FOXN3: variants seen among roughly 807,000 people sequenced by gnomAD.
The protein encoded by FOXN3 is forkhead box N3.
FOXN3 carries 7 observed loss-of-function variants against 38.4 expected under a neutral mutation model. The observed-to-expected ratio is 0.18, with a 90% CI of 0.10 to 0.34. The LOEUF is 0.34. Ranked by LOEUF, FOXN3 falls within the 10% of genes least tolerant of loss-of-function variation. The pLI, the probability that FOXN3 is intolerant of heterozygous loss-of-function variation, is 1.00. For missense variants in FOXN3, 456 were observed against 613.4 expected, an observed-to-expected ratio of 0.74 and a Z score of 2.71; for synonymous variants, 230 against 242.2, an observed-to-expected ratio of 0.95 and a Z score of 0.47.
At chr14:89,369,209 G>A (rs769134796) in intron 2 of FOXN3, among the ~76,000 whole-genome samples, 10 of 152,162 alleles carry the variant, frequency 6.6e-5, no homozygotes, top group African/African-American at 1.2e-4. Context: ...GATTATCTGT[G>A]GAGACTTTAT....
chr14:89,363,974 ATATATATATATAT>A lies in FOXN3; in HGVS notation c.544-13179_544-13167del, dbSNP rs1566968981. Among the ~76,000 whole-genome samples the A allele has an allele frequency of 1.3e-3, 88 of 69,144 alleles. 5 individuals are homozygous for A. The highest frequency in any genetic ancestry group is 3.8e-3 in the African/African-American group (69 of 18,276). 45.4% of individuals were successfully genotyped at this position (69,144 alleles called of 152,430 possible). A position where few individuals can be genotyped will look rare whatever the true frequency, so the allele number is the denominator to read the frequency against. ...TATATATATATATATATATATATAT[ATATATATATATAT>A]AATATATATATATATTCTTCCATAT... On this transcript the variant is annotated intron_variant, in intron 2 of 5. Coordinates refer to ENST00000557258, the MANE Select transcript of FOXN3 (RefSeq NM_005197.4).
At chr14:89,166,978 A>G (rs192246429) in intron 5 of FOXN3, among the ~76,000 whole-genome samples, 17 of 152,372 alleles carry the variant, frequency 1.1e-4, no homozygotes, top group Admixed American at 9.1e-4. Context: ...CTTAAAAATC[A>G]TTCATTAAAG....
chr14:89,374,829 T>A (rs1890425151), intron 2 of FOXN3, among the ~76,000 whole-genome samples: 1 of 151,458 alleles, frequency 6.6e-6, no homozygotes, highest in African/African-American at 2.4e-5. Flanking sequence ...AAAAAAAAAT[T>A]AGCCAGGTGT....
chr14:89,403,777 G>A (rs937858923), intron 2 of FOXN3, among the ~76,000 whole-genome samples: 15 of 152,286 alleles, frequency 9.8e-5, no homozygotes, highest in Non-Finnish European at 1.5e-4. Context: ...TAGGGCCCTC[G>A]GGCCCAGAAG....
intron 1 of FOXN3, among the ~76,000 whole-genome samples, chr14:89,496,196 A>G (rs1893679107): frequency 6.6e-6 from 1 of 152,160 alleles, no homozygotes; most frequent in African/African-American, 2.4e-5. Flanking sequence ...CTGGGCAACA[A>G]GAGCAAAACT....
intron 3 of FOXN3, among the ~76,000 whole-genome samples, chr14:89,330,277 C>T (rs1025303475): frequency 6.6e-6 from 1 of 152,180 alleles, no homozygotes; most frequent in Non-Finnish European, 1.5e-5. Flanking sequence ...ATAGAGCCAG[C>T]GGTAGACTCC....
At chr14:89,540,837 C>A (rs1427741337) in intron 1 of FOXN3, among the ~76,000 whole-genome samples, 2 of 151,824 alleles carry the variant, frequency 1.3e-5, no homozygotes, top group Non-Finnish European at 2.9e-5. Flanking sequence ...TAAGAAAAAT[C>A]TATATGGAAT....
intron 4 of FOXN3, among the ~76,000 whole-genome samples, chr14:89,223,718 G>A (rs1884543961): frequency 6.6e-6 from 1 of 152,238 alleles, no homozygotes; most frequent in African/African-American, 2.4e-5. Flanking sequence ...CGTTTCCAAA[G>A]ATCCCTGAGG....
intron 1 of FOXN3, among the ~76,000 whole-genome samples, chr14:89,505,327 C>G (rs2129556): frequency 0.39 from 58,678 of 149,452 alleles, 13,597 homozygotes; most frequent in Non-Finnish European, 0.52. Context: ...GATGCCGAGC[C>G]GAGGCTGGAC....
At chr14:89,567,783 C>T (rs1206959953) in intron 1 of FOXN3, among the ~76,000 whole-genome samples, 5 of 147,230 alleles carry the variant, frequency 3.4e-5, no homozygotes, top group African/African-American at 7.7e-5. Flanking sequence ...AGTGCAGTGG[C>T]GCGATCTCGG....
At chr14:89,404,604 G>A (rs1479680623) in intron 2 of FOXN3, among the ~76,000 whole-genome samples, 1 of 151,362 alleles carries the variant, frequency 6.6e-6, no homozygotes, top group Non-Finnish European at 1.5e-5. Flanking sequence ...CCTATTCCAG[G>A]GCCTGTGACA....
intron 5 of FOXN3, among the ~76,000 whole-genome samples, chr14:89,173,875 CAA>C (rs1453388662): frequency 6.6e-6 from 1 of 152,054 alleles, no homozygotes; most frequent in African/African-American, 2.4e-5. Flanking sequence ...CCTGTAGTCC[CAA>C]ACACTTGAGA....
At chr14:89,571,262 A>T (rs1168820211) in intron 1 of FOXN3, among the ~76,000 whole-genome samples, 1 of 152,174 alleles carries the variant, frequency 6.6e-6, no homozygotes, top group East Asian at 1.9e-4. Context: ...TAATCCCAGC[A>T]CTTTGGGAAG....
Position 89,549,215 on chromosome 14 carries a change from C to G in FOXN3, c.-15+69813G>C, listed in dbSNP as rs191975578. Reference sequence around the variant, plus strand: ...TCTTACTCATGTGTTGTTTGAAAGGCCTTTTGTTTTATGAAACTATAGTGA... The same window carrying G: ...TCTTACTCATGTGTTGTTTGAAAGGGCTTTTGTTTTATGAAACTATAGTGA... On this transcript the variant is annotated intron_variant, in intron 1 of 6. Transcript: ENST00000345097. Among the ~76,000 whole-genome samples, 615 of 150,646 alleles carry G rather than the reference C, an allele frequency of 4.1e-3. 5 individuals are homozygous for G. The highest frequency in any genetic ancestry group is 7.1e-3 in the Non-Finnish European group (479 of 67,814).
At chr14:89,291,927 C>T (rs1472866579) in intron 3 of FOXN3, among the ~76,000 whole-genome samples, 1 of 152,154 alleles carries the variant, frequency 6.6e-6, no homozygotes, top group African/African-American at 2.4e-5. Context: ...GCTGTGACAA[C>T]CAAAAATGTT....
intron 5 of FOXN3, among the ~76,000 whole-genome samples, chr14:89,172,242 GA>G (rs746900150): frequency 2.0e-5 from 3 of 152,134 alleles, no homozygotes; most frequent in Non-Finnish European, 4.4e-5. Flanking sequence ...CTCATGGACT[GA>G]AAGATGCAAA....
chr14:89,401,875 G>T (rs941555448), intron 2 of FOXN3, among the ~76,000 whole-genome samples: 9 of 152,134 alleles, frequency 5.9e-5, no homozygotes, highest in African/African-American at 2.2e-4. Context: ...ACCCTGTGAA[G>T]ACCAAAGGAA....
chr14:89,400,216 C>T (rs2140086741), intron 2 of FOXN3: 1 of 152,298 alleles, frequency 6.6e-6, no homozygotes, highest in East Asian at 1.9e-4. Context: ...ATTTCCCATG[C>T]TGAATATACC....
chr14:89,591,223 AC>A (rs1895944085), intron 1 of FOXN3, among the ~76,000 whole-genome samples: 1 of 152,082 alleles, frequency 6.6e-6, no homozygotes, highest in Admixed American at 6.5e-5. Context: ...CATATTCTCA[AC>A]CCTGGGAGCC....
Sources: gnomAD v4.1 joint callset for allele counts (sites outside exome capture counted in the v4.1 genomes callset) on GRCh38, gnomAD v4.1.1 for gene constraint, MANE v1.5 for transcripts, NCBI Gene and HGNC (gene_info 2026-07-23, HGNC 2026-07-21) for gene names.